The following PDZRN4 variants were observed in gnomAD, a reference collection of about 807,000 sequenced individuals.
PDZRN4 encodes the protein PDZ domain containing ring finger 4.
In PDZRN4, 70 loss-of-function variants were observed where a neutral mutation model predicts 99.0. That is an observed-to-expected ratio of 0.71 (90% CI 0.58 to 0.86). PDZRN4 has a LOEUF of 0.86. Ranked by LOEUF, PDZRN4 falls within the 40% of genes least tolerant of loss-of-function variation. PDZRN4 has a pLI of 0.00. For missense variants in PDZRN4, 1,474 were observed against 1,331.2 expected (o/e 1.11, Z -1.67); for synonymous variants, 551 against 501.6 (o/e 1.10, Z -1.32).
At chr12:41,551,250 T>A (rs1325784165) in intron 5 of PDZRN4, among the ~76,000 whole-genome samples, 2 of 152,052 alleles carry the variant, frequency 1.3e-5, no homozygotes, top group African/African-American at 4.8e-5. Flanking sequence ...TGGGGCCTCT[T>A]CCTAAGGGCA....
intron 3 of PDZRN4, among the ~76,000 whole-genome samples, chr12:41,487,637 A>G (rs1937801531): frequency 6.6e-6 from 1 of 152,228 alleles, no homozygotes; most frequent in Admixed American, 6.5e-5. Context: ...TTATATACCA[A>G]CAATATTCTT....
At chr12:41,196,960 A>G (rs1950777395) in intron 3 of PDZRN4, among the ~76,000 whole-genome samples, 1 of 152,100 alleles carries the variant, frequency 6.6e-6, no homozygotes, top group African/African-American at 2.4e-5. Flanking sequence ...TGTAAAGGGT[A>G]CAAACTAGTT....
chr12:41,568,255 T>A (rs1939413401), intron 9 of PDZRN4, among the ~76,000 whole-genome samples: 1 of 152,190 alleles, frequency 6.6e-6, no homozygotes, highest in African/African-American at 2.4e-5. Flanking sequence ...CCCCAATAAG[T>A]AATTTTTTTT....
At chr12:41,269,364 C>A (rs568750920) in intron 3 of PDZRN4, among the ~76,000 whole-genome samples, 1 of 152,136 alleles carries the variant, frequency 6.6e-6, no homozygotes, top group Admixed American at 6.6e-5. Context: ...ATTGTTGATA[C>A]TATTTAAGCT....
intron 3 of PDZRN4, among the ~76,000 whole-genome samples, chr12:41,365,498 C>A (rs1212984591): frequency 6.6e-6 from 1 of 151,980 alleles, no homozygotes; most frequent in Non-Finnish European, 1.5e-5. Context: ...AATTTGATGA[C>A]CCTCTCTTGT....
intron 3 of PDZRN4, among the ~76,000 whole-genome samples, chr12:41,233,997 C>T (rs746161465): frequency 5.9e-5 from 9 of 151,806 alleles, no homozygotes; most frequent in Admixed American, 5.3e-4. Context: ...CAGAGAATCA[C>T]TCTCTGATTG....
intron 3 of PDZRN4, among the ~76,000 whole-genome samples, chr12:41,212,902 C>G (rs1419687424): frequency 6.6e-6 from 1 of 151,916 alleles, no homozygotes; most frequent in African/African-American, 2.4e-5. Flanking sequence ...TAGGAAAAGG[C>G]TTAGTGTATT....
rs7314528 is a variant in PDZRN4, at chr12:41,246,545, C to G, written c.843+52357C>G. The stretch of plus-strand genomic sequence containing the variant: ...GTGACATTTTGTGACACTATTACTA[C>G]ATCTAATTTTTTTCAGCTAACTTGT... On this transcript the variant is annotated intron_variant, in intron 3 of 9. Coordinates refer to ENST00000402685, the MANE Select transcript of PDZRN4 (RefSeq NM_001164595.2). Among the ~76,000 whole-genome samples, 5 of 152,088 alleles carry G rather than the reference C, an allele frequency of 3.3e-5. No individual in the cohort carries two copies. In the East Asian group the frequency reaches 9.7e-4, roughly 29 times the overall value.
At chr12:41,510,468 A>G (rs529712427) in intron 5 of PDZRN4, among the ~76,000 whole-genome samples, 4 of 152,134 alleles carry the variant, frequency 2.6e-5, no homozygotes, top group Non-Finnish European at 5.9e-5. Flanking sequence ...CTGTACTGTG[A>G]TATATAACAA....
At chr12:41,226,859 G>C (rs1377920757) in intron 3 of PDZRN4, among the ~76,000 whole-genome samples, 1 of 152,130 alleles carries the variant, frequency 6.6e-6, no homozygotes, top group Non-Finnish European at 1.5e-5. Flanking sequence ...ACCCTCTGAA[G>C]ACCTATGCAT....
chr12:41,497,170 G>A (rs1938022378), intron 3 of PDZRN4, among the ~76,000 whole-genome samples: 1 of 152,020 alleles, frequency 6.6e-6, no homozygotes, highest in African/African-American at 2.4e-5. Flanking sequence ...CTTGTCCAAG[G>A]GCTAAGAGCA....
chr12:41,544,756 A>T (rs996409068), intron 5 of PDZRN4, among the ~76,000 whole-genome samples: 2 of 152,228 alleles, frequency 1.3e-5, no homozygotes, highest in African/African-American at 4.8e-5. Flanking sequence ...TTTCAGAAAG[A>T]GTGATAGACA....
chr12:41,486,167 G>T (rs1213143920), intron 3 of PDZRN4, among the ~76,000 whole-genome samples: 1 of 152,222 alleles, frequency 6.6e-6, no homozygotes, highest in Middle Eastern at 3.4e-3. Context: ...CCACTGGACA[G>T]AGAAATTGTA....
chr12:41,285,453 C>G (rs567720441), intron 3 of PDZRN4, among the ~76,000 whole-genome samples: 1 of 152,222 alleles, frequency 6.6e-6, no homozygotes, highest in Non-Finnish European at 1.5e-5. Flanking sequence ...GTGGTGATTC[C>G]TCAAGGATCT....
At chr12:41,277,655 C>G (rs76760978) in intron 3 of PDZRN4, among the ~76,000 whole-genome samples, 1,794 of 152,308 alleles carry the variant, frequency 0.012, 21 homozygotes, top group African/African-American at 0.027. Context: ...TGTGCTGACA[C>G]TAATCTAGAG....
At chr12:41,238,884 C>G (rs1028817775) in intron 3 of PDZRN4, among the ~76,000 whole-genome samples, 2 of 152,170 alleles carry the variant, frequency 1.3e-5, no homozygotes, top group Non-Finnish European at 2.9e-5. Context: ...TTAGTTCAAA[C>G]ACTGTGAAAG....
intron 3 of PDZRN4, among the ~76,000 whole-genome samples, chr12:41,487,476 G>A (rs1031012194): frequency 6.6e-6 from 1 of 152,038 alleles, no homozygotes; most frequent in Non-Finnish European, 1.5e-5. Context: ...TGATTCTACT[G>A]TAACCAGCTC....
chr12:41,263,871 T>C (rs1305034708), intron 3 of PDZRN4, among the ~76,000 whole-genome samples: 1 of 152,140 alleles, frequency 6.6e-6, no homozygotes, highest in African/African-American at 2.4e-5. Context: ...AGGAGGCTCC[T>C]CCTTTCCCCT....
intron 3 of PDZRN4, among the ~76,000 whole-genome samples, chr12:41,404,103 A>G (rs551361557): frequency 2.0e-5 from 3 of 152,276 alleles, no homozygotes; most frequent in African/African-American, 7.2e-5. Flanking sequence ...TACCTAATAC[A>G]ATGTAAATGA....
Sources: allele counts gnomAD v4.1 joint callset (sites outside exome capture counted in the v4.1 genomes callset), GRCh38; gene constraint gnomAD v4.1.1; transcripts MANE v1.5; gene names NCBI Gene and HGNC (gene_info 2026-07-23, HGNC 2026-07-21).